The following ZSCAN25 variants were observed in gnomAD, a reference collection of about 807,000 sequenced individuals.
The protein encoded by ZSCAN25 is zinc finger and SCAN domain containing 25.
ZSCAN25 carries 27 observed loss-of-function variants against 38.7 expected under a neutral mutation model. The observed-to-expected ratio is 0.70, with a 90% CI of 0.51 to 0.96. The LOEUF is 0.96. Ranked by LOEUF, ZSCAN25 falls within the 40% of genes least tolerant of loss-of-function variation. The probability of loss-of-function intolerance (pLI) is 0.00; values close to 1 mark genes in which losing one functional copy is unlikely to be tolerated. For missense variants in ZSCAN25, 637 were observed against 705.9 expected, an observed-to-expected ratio of 0.90 and a Z score of 1.11; for synonymous variants, 273 against 277.7, an observed-to-expected ratio of 0.98 and a Z score of 0.17.
At chr7:99,715,586 A>G in the ZSCAN25 span, 1,416 of 1,182,696 alleles carry the variant, frequency 1.2e-3, 3 homozygotes, top group Non-Finnish European at 1.3e-3. Flanking sequence ...GGTTTCTAGA[A>G]TGACAGAAGT....
At chr7:99,695,784 G>A in the ZSCAN25 span, 3 of 1,613,746 alleles carry the variant, frequency 1.9e-6, no homozygotes, top group Non-Finnish European at 2.5e-6. Flanking sequence ...AAAAGCAGAG[G>A]TGTGGGCCCT....
At chr7:99,682,498 A>T in the ZSCAN25 span, among the ~76,000 whole-genome samples, 1 of 152,344 alleles carries the variant, frequency 6.6e-6, no homozygotes, top group African/African-American at 2.4e-5. Flanking sequence ...CTGTTTTTAT[A>T]CAAGTACCAT....
At chr7:99,698,594 A>G in the ZSCAN25 span, among the ~76,000 whole-genome samples, 2 of 152,212 alleles carry the variant, frequency 1.3e-5, no homozygotes, top group South Asian at 4.1e-4. Context: ...AAAAAGACAT[A>G]TCTTTTTAAA....
At chr7:99,714,440 C>G in the ZSCAN25 span, 17 of 1,483,072 alleles carry the variant, frequency 1.1e-5, no homozygotes, top group Non-Finnish European at 1.5e-5. Flanking sequence ...AACATAAGTA[C>G]TCTTTATGTT....
the ZSCAN25 span, among the ~76,000 whole-genome samples, chr7:99,699,592 C>G: frequency 6.6e-6 from 1 of 152,144 alleles, no homozygotes; most frequent in Non-Finnish European, 1.5e-5. Context: ...CCCCCAGAAT[C>G]CCGAGAACCT....
the ZSCAN25 span, among the ~76,000 whole-genome samples, chr7:99,695,096 C>A: frequency 6.6e-6 from 1 of 152,248 alleles, no homozygotes. Context: ...TAAGGTGCAG[C>A]CTTTGAAATA....
chr7:99,725,158 A>C, the ZSCAN25 span, among the ~76,000 whole-genome samples: 1 of 152,170 alleles, frequency 6.6e-6, no homozygotes, highest in African/African-American at 2.4e-5. Flanking sequence ...AAACTACCCA[A>C]GGTAAAGATG....
At chr7:99,672,650 G>GC in the ZSCAN25 span, 219 of 1,613,950 alleles carry the variant, frequency 1.4e-4, no homozygotes, top group Middle Eastern at 3.3e-4. Context: ...ATCTGTGATG[G>GC]CCAGCACAGG....
the ZSCAN25 span, chr7:99,715,770 C>G: frequency 6.2e-7 from 1 of 1,613,634 alleles, no homozygotes; most frequent in Non-Finnish European, 8.5e-7. Context: ...ATTGAGAGAA[C>G]GAATGGATCT....
At chr7:99,657,263 A>G in the ZSCAN25 span, among the ~76,000 whole-genome samples, 4 of 152,202 alleles carry the variant, frequency 2.6e-5, no homozygotes, top group Non-Finnish European at 5.9e-5. Context: ...AATGTGGCCC[A>G]GAGATTCTGG....
the ZSCAN25 span, chr7:99,662,951 A>T: frequency 3.1e-6 from 5 of 1,600,470 alleles, no homozygotes; most frequent in South Asian, 5.6e-5. The surrounding 1 kb of genome is among the most constrained non-coding windows in gnomAD (Gnocchi z 4.3). Flanking sequence ...TCAAAAGTGC[A>T]GTCCTCAACC....
chr7:99,707,619 T>C, the ZSCAN25 span, among the ~76,000 whole-genome samples: 26 of 152,356 alleles, frequency 1.7e-4, no homozygotes, highest in African/African-American at 6.3e-4. Context: ...CATTGCATGA[T>C]GTTTTTAATG....
chr7:99,663,039 C>T, the ZSCAN25 span: 1 of 1,388,806 alleles, frequency 7.2e-7, no homozygotes, highest in Non-Finnish European at 9.4e-7. Flanking sequence ...TGAACAAAAA[C>T]ATTCATCTAA....
the ZSCAN25 span, chr7:99,663,375 C>T: frequency 1.0e-6 from 1 of 991,490 alleles, no homozygotes; most frequent in Non-Finnish European, 1.2e-6. Flanking sequence ...AGCTGGGTTA[C>T]CTGGTCCTGT....
the ZSCAN25 span, chr7:99,713,560 T>C: frequency 6.2e-6 from 10 of 1,613,040 alleles, no homozygotes; most frequent in Non-Finnish European, 7.6e-6. Flanking sequence ...AGAAATTTTA[T>C]TGACAGAAAG....
the ZSCAN25 span, among the ~76,000 whole-genome samples, chr7:99,709,774 A>ATATGTG: frequency 2.7e-5 from 4 of 150,170 alleles, no homozygotes; most frequent in African/African-American, 7.3e-5. Flanking sequence ...TATTATATAT[A>ATATGTG]TGTGTGTGTG....
the ZSCAN25 span, among the ~76,000 whole-genome samples, chr7:99,696,754 G>A: frequency 2.0e-5 from 3 of 152,176 alleles, no homozygotes; most frequent in Admixed American, 6.5e-5. Flanking sequence ...ATCTCATGTG[G>A]AAATGTAATC....
the ZSCAN25 span, among the ~76,000 whole-genome samples, chr7:99,700,431 C>A: frequency 6.6e-6 from 1 of 152,136 alleles, no homozygotes; most frequent in Admixed American, 6.5e-5. Flanking sequence ...CAAGCCACAA[C>A]TGCAGATCTT....
the ZSCAN25 span, among the ~76,000 whole-genome samples, chr7:99,737,103 A>G: frequency 6.6e-6 from 1 of 152,166 alleles, no homozygotes; most frequent in Admixed American, 6.5e-5. Flanking sequence ...ATTCTGGTAC[A>G]TTTCTGTCTC....
Sources: allele counts gnomAD v4.1 joint callset (sites outside exome capture counted in the v4.1 genomes callset), GRCh38; gene constraint gnomAD v4.1.1; non-coding constraint Gnocchi (gnomAD v3.1); transcripts MANE v1.5; gene names NCBI Gene and HGNC (gene_info 2026-07-23, HGNC 2026-07-21).